LINGO1: variants seen among roughly 807,000 people sequenced by gnomAD.
LINGO1 encodes leucine-rich repeat and immunoglobulin-like domain-containing nogo receptor-interacting protein 1.
LINGO1 carries 11 observed loss-of-function variants against 37.3 expected under a neutral mutation model. The ratio of observed to expected loss-of-function variants is 0.29; its 90% CI spans 0.19 to 0.49. The LOEUF (loss-of-function observed/expected upper bound fraction) is 0.49. Ranked by LOEUF, LINGO1 falls within the 20% of genes least tolerant of loss-of-function variation. LINGO1 has a pLI of 0.99. For missense variants in LINGO1, 585 were observed against 878.2 expected (o/e 0.67, Z 4.22); for synonymous variants, 387 against 403.0 (o/e 0.96, Z 0.48).
intron 3 of LINGO1, among the ~76,000 whole-genome samples, chr15:77,661,248 C>T (rs927847352): frequency 3.3e-5 from 5 of 152,086 alleles, no homozygotes; most frequent in Non-Finnish European, 5.9e-5. Flanking sequence ...GACAAGATCT[C>T]GCATGAGTGG....
At chr15:77,725,046 T>G (rs138661525) in intron 2 of LINGO1, among the ~76,000 whole-genome samples, 20 of 152,342 alleles carry the variant, frequency 1.3e-4, no homozygotes, top group African/African-American at 4.8e-4. Flanking sequence ...CAGAAGGACC[T>G]CACGCCCATA....
intron 2 of LINGO1, among the ~76,000 whole-genome samples, chr15:77,713,136 A>G (rs142896810): frequency 0.019 from 2,922 of 151,558 alleles, 32 homozygotes; most frequent in Non-Finnish European, 0.028. Context: ...TCCACCTCCC[A>G]GGCTCAGGCA....
chr15:77,794,347 T>C (rs191810900), intron 2 of LINGO1, among the ~76,000 whole-genome samples: 7 of 115,944 alleles, frequency 6.0e-5, no homozygotes, highest in African/African-American at 2.1e-4. Flanking sequence ...TACATACATA[T>C]ATACGTATAT....
At chr15:77,699,089 G>A (rs57215429), upstream of LINGO1, among the ~76,000 whole-genome samples, 8,485 of 152,098 alleles carry the variant, frequency 0.056, 838 homozygotes, top group African/African-American at 0.19. Flanking sequence ...ACGCTGCCAC[G>A]ACAGGAGCTG....
Position 77,646,971 on chromosome 15 carries a change from C to T in LINGO1, c.-13+30118G>A, listed in dbSNP as rs146823749. The stretch of plus-strand genomic sequence containing the variant: ...TATCCCCACTTTACAGGGGAGGGAA[C>T]GGGCATGGGGAGGCTAAGGAGCTTG... On this transcript the variant is annotated intron_variant, in intron 3 of 3. Transcript: ENST00000559893. Among the ~76,000 whole-genome samples, 1,327 of 152,118 alleles carry T rather than the reference C, an allele frequency of 8.7e-3. 7 individuals are homozygous for T. Among genetic ancestry groups the T allele is most frequent in the Middle Eastern group, 0.017 (5 of 294 alleles).
At chr15:77,775,514 CCT>C (rs2076628135) in intron 1 of LINGO1, among the ~76,000 whole-genome samples, 1 of 152,138 alleles carries the variant, frequency 6.6e-6, no homozygotes, top group South Asian at 2.1e-4. Context: ...CCAGCTCCTC[CCT>C]CTCTCTGAAA....
chr15:77,754,246 G>A (rs2076398478), intron 1 of LINGO1, among the ~76,000 whole-genome samples: 1 of 148,054 alleles, frequency 6.8e-6, no homozygotes, highest in Admixed American at 6.7e-5. Flanking sequence ...GGAAGGGAGG[G>A]AGTGAGGGGG....
At chr15:77,819,504 C>T (rs1182567769) in intron 1 of LINGO1, 2 of 151,778 alleles carry the variant, frequency 1.3e-5, no homozygotes, top group African/African-American at 4.8e-5. Context: ...CCGCTCCTGC[C>T]TCCTGCTCGC....
At chr15:77,808,347 A>G (rs1338334506) in intron 1 of LINGO1, among the ~76,000 whole-genome samples, 1 of 152,172 alleles carries the variant, frequency 6.6e-6, no homozygotes, top group Non-Finnish European at 1.5e-5. Flanking sequence ...ATACAGGAGC[A>G]TAAGGATGCA....
Position 77,704,936 on chromosome 15 carries a change from C to T in LINGO1, c.-194-14035G>A, listed in dbSNP as rs554493183. On this transcript the variant is annotated intron_variant, in intron 2 of 3. Coordinates refer to the LINGO1 transcript ENST00000561686. Reference sequence around the variant, plus strand: ...CATAGCCCTGACAGTCACCAGCCACCATGCCCAGTTTGCACCAGAGACCAG... The same window carrying T: ...CATAGCCCTGACAGTCACCAGCCACTATGCCCAGTTTGCACCAGAGACCAG... Among the ~76,000 whole-genome samples the T allele has an allele frequency of 4.5e-4, 69 of 152,292 alleles. 1 individual carries two copies. The highest frequency in any genetic ancestry group is 1.6e-3 in the African/African-American group (67 of 41,554).
At position 77,687,795 on chromosome 15, in the gene LINGO1, C is replaced by T. The variant is rs150626137; in HGVS notation, c.-99+2925G>A. ...ATGAAAGTGAAGGTGTTGGCTGGCA[C>T]ATGGCAGCATTGAGATGCACAACCC... On this transcript the variant is annotated intron_variant, in intron 2 of 3. Coordinates refer to the LINGO1 transcript ENST00000559893. 2.8e-3 allele frequency among the ~76,000 whole-genome samples: 422 copies of T among 152,366 alleles called. 1 individual carries two copies. Among genetic ancestry groups the T allele is most frequent in the African/African-American group, 9.8e-3 (409 of 41,592 alleles).
chr15:77,634,859 T>C (rs1425601848), upstream of LINGO1, among the ~76,000 whole-genome samples: 1 of 150,590 alleles, frequency 6.6e-6, no homozygotes, highest in Non-Finnish European at 1.5e-5. Flanking sequence ...CGCTGGCTCC[T>C]GCGTAAAGGC....
At chr15:77,748,855 CTTATTTATTTATTTATTTAT>C (rs71145856) in intron 1 of LINGO1, among the ~76,000 whole-genome samples, 4 of 128,776 alleles carry the variant, frequency 3.1e-5, no homozygotes, top group Non-Finnish European at 1.6e-5. Flanking sequence ...GGCCCCTAGC[CTTATTTATTTATTTATTTAT>C]TTATTTATTT....
intron 3 of LINGO1, among the ~76,000 whole-genome samples, chr15:77,647,203 G>A (rs770230906): frequency 1.2e-4 from 19 of 152,112 alleles, no homozygotes; most frequent in Non-Finnish European, 2.5e-4. Context: ...GAAGTCTAGG[G>A]ATGGGCAGGG....
chr15:77,668,610 C>T (rs1460484678), intron 3 of LINGO1, among the ~76,000 whole-genome samples: 5 of 152,090 alleles, frequency 3.3e-5, no homozygotes, highest in Non-Finnish European at 7.4e-5. Flanking sequence ...AGGGTCACGA[C>T]GCATGCGCAG....
chr15:77,800,745 CAA>C (rs1285714230), intron 1 of LINGO1, among the ~76,000 whole-genome samples: 3 of 152,070 alleles, frequency 2.0e-5, no homozygotes, highest in Non-Finnish European at 4.4e-5. Context: ...ATCCGTACAG[CAA>C]AAGACACATA....
intron 2 of LINGO1, among the ~76,000 whole-genome samples, chr15:77,718,067 TAC>T (rs1266929773): frequency 1.3e-5 from 2 of 150,662 alleles, no homozygotes; most frequent in East Asian, 4.2e-4. Context: ...CATGAGCAGC[TAC>T]AGAGACAGCG....
chr15:77,615,410 A>C lies in LINGO1; in HGVS notation c.497T>G (p.Leu166Arg), dbSNP rs1215571439. The C allele has an allele frequency of 6.2e-7, 1 of 1,613,932 alleles. No homozygotes were observed. The highest frequency in any genetic ancestry group is 8.5e-7 in the Non-Finnish European group (1 of 1,179,908). The change falls in exon 2 of 2, where the codon CTG (leucine) becomes CGG (arginine). Residue 166 changes from leucine (L) to arginine (R), a missense_variant. Transcript: ENST00000355300. ...AACCTCCAGTGACTTGAGGTTGTAC[A>C]GGTCCTGAAACATGTAGTCCAGTAG... The part of the protein sequence containing the change: ...VILLDYMFQD[L>R]YNLKSLEVGD...
intron 3 of LINGO1, among the ~76,000 whole-genome samples, chr15:77,657,823 C>A (rs2074898328): frequency 6.6e-6 from 1 of 152,178 alleles, no homozygotes; most frequent in African/African-American, 2.4e-5. Flanking sequence ...GGGGAGGAGG[C>A]CCGGAGAAAC....
Sources: gnomAD v4.1 joint callset for allele counts (sites outside exome capture counted in the v4.1 genomes callset) on GRCh38, gnomAD v4.1.1 for gene constraint, MANE v1.5 for transcripts, NCBI Gene and HGNC (gene_info 2026-07-23, HGNC 2026-07-21) for gene names.